Variants in NPSR1 observed in about 807,000 individuals in gnomAD.
NPSR1 encodes neuropeptide S receptor.
In NPSR1, 48 loss-of-function variants were observed where a neutral mutation model predicts 46.9. The ratio of observed to expected loss-of-function variants is 1.02; its 90% CI spans 0.81 to 1.30. The LOEUF (loss-of-function observed/expected upper bound fraction) is 1.30. Among genes scored for constraint, NPSR1 ranks in the 50% most tolerant of loss-of-function variants. NPSR1 has a pLI of 0.00. For missense variants in NPSR1, 450 were observed against 449.5 expected (o/e 1.00, Z -0.01); for synonymous variants, 176 against 168.1 (o/e 1.05, Z -0.36).
intron 7 of NPSR1, among the ~76,000 whole-genome samples, chr7:34,847,256 T>G (rs575795047): frequency 6.6e-6 from 1 of 152,210 alleles, no homozygotes; most frequent in South Asian, 2.1e-4. Context: ...AAGCCAAACT[T>G]CTACTCCGAG....
At chr7:34,873,352 A>G (rs1340286536) in intron 8 of NPSR1, among the ~76,000 whole-genome samples, 2 of 151,574 alleles carry the variant, frequency 1.3e-5, no homozygotes, top group East Asian at 1.9e-4. Flanking sequence ...GCAATGCCCA[A>G]CTCCTCAGTA....
At chr7:34,743,162 A>G (rs1382900572) in intron 2 of NPSR1, among the ~76,000 whole-genome samples, 1 of 152,160 alleles carries the variant, frequency 6.6e-6, no homozygotes, top group Non-Finnish European at 1.5e-5. Context: ...ATTAGATCCC[A>G]CTTGTCAATT....
At chr7:34,697,916 A>C (rs1354566224) in intron 2 of NPSR1, among the ~76,000 whole-genome samples, 1 of 152,154 alleles carries the variant, frequency 6.6e-6, no homozygotes, top group African/African-American at 2.4e-5. Context: ...ATTCCCATTA[A>C]AATAACAAGA....
chr7:34,803,044 A>G (rs4723384), intron 3 of NPSR1, among the ~76,000 whole-genome samples: 145,590 of 148,698 alleles, frequency 0.98, 71,316 homozygotes, highest in East Asian at 1. Context: ...TTAGAATGGC[A>G]ATCATTAAAA....
intron 2 of NPSR1, among the ~76,000 whole-genome samples, chr7:34,768,948 A>T (rs1562713966): frequency 6.6e-6 from 1 of 152,272 alleles, no homozygotes; most frequent in South Asian, 2.1e-4. Context: ...TCCCTAGCAG[A>T]CAGTGGTGCT....
intron 8 of NPSR1, among the ~76,000 whole-genome samples, chr7:34,859,281 C>G (rs1562776212): frequency 6.6e-6 from 1 of 151,736 alleles, no homozygotes; most frequent in East Asian, 1.9e-4. Context: ...AAATCAATAT[C>G]CATCTTCTGT....
chr7:34,877,755 G>A (rs1437135727), intron 8 of NPSR1, among the ~76,000 whole-genome samples: 8 of 152,156 alleles, frequency 5.3e-5, no homozygotes, highest in African/African-American at 1.9e-4. Context: ...CTCCAGGGAG[G>A]CTTTGAGTCA....
intron 2 of NPSR1, among the ~76,000 whole-genome samples, chr7:34,763,126 G>A (rs1351129899): frequency 6.6e-6 from 1 of 152,240 alleles, no homozygotes; most frequent in Non-Finnish European, 1.5e-5. Flanking sequence ...TATGAAAAAA[G>A]ATAAAACTAT....
chr7:34,860,768 A>G (rs1292439166), intron 8 of NPSR1, among the ~76,000 whole-genome samples: 3 of 151,966 alleles, frequency 2.0e-5, no homozygotes, highest in Non-Finnish European at 4.4e-5. Flanking sequence ...AAAGGCAAGT[A>G]ACATTTTAGT....
chr7:34,858,737 G>A (rs1791113183), intron 8 of NPSR1, among the ~76,000 whole-genome samples: 2 of 151,678 alleles, frequency 1.3e-5, no homozygotes, highest in Non-Finnish European at 2.9e-5. Context: ...AAAACCATCA[G>A]ATCTCGTAAG....
At position 34,848,635 on chromosome 7, in the gene NPSR1, T is replaced by A; in HGVS notation, c.997T>A (p.Phe333Ile). The change falls in exon 8 of 9, where the codon TTC (phenylalanine) becomes ATC (isoleucine). Residue 333 changes from phenylalanine to isoleucine, a missense_variant. By Grantham distance (21) the Phe-to-Ile change is conservative. Transcript: ENST00000360581. ...SAINPLIYCV[F>I]SSSISFPCRE... ...CATCAACCCCCTCATCTACTGTGTCTTCAGCAGCTCCATCTCTTTCCCCTG... is the reference window on the plus strand; with the variant it reads ...CATCAACCCCCTCATCTACTGTGTCATCAGCAGCTCCATCTCTTTCCCCTG... The A allele has an allele frequency of 6.2e-7, 1 of 1,614,154 alleles. No individual in the cohort carries two copies. The highest frequency in any genetic ancestry group is 8.5e-7 in the Non-Finnish European group (1 of 1,180,030).
intron 1 of NPSR1, among the ~76,000 whole-genome samples, chr7:34,672,349 T>C (rs1258832472): frequency 6.6e-6 from 1 of 152,228 alleles, no homozygotes; most frequent in African/African-American, 2.4e-5. Flanking sequence ...CCTCTTGCGA[T>C]CCAAGAACAA....
In NPSR1 at chr7:34,869,206, T is replaced by C. The variant is rs946628851; in HGVS notation, c.1026-8870T>C. On this transcript the variant is annotated intron_variant, in intron 8 of 8. Coordinates refer to the NPSR1 transcript ENST00000359791. ...CATCAATGACAGCCTCTGGAAACCA[T>C]GGGGAGAAAGTGTCCTGCATAACCA... 9.2e-5 allele frequency among the ~76,000 whole-genome samples: 14 copies of C among 151,634 alleles called. 2 individuals are homozygous for C. The highest frequency in any genetic ancestry group is 3.2e-4 in the African/African-American group (13 of 41,000).
chr7:34,750,613 T>C (rs999113222), intron 2 of NPSR1: 2 of 688,666 alleles, frequency 2.9e-6, no homozygotes, highest in African/African-American at 1.8e-5. Flanking sequence ...ATTCATCTAT[T>C]ATAGCCTTGC....
intron 2 of NPSR1, among the ~76,000 whole-genome samples, chr7:34,763,910 G>A (rs1394350872): frequency 2.0e-5 from 3 of 152,172 alleles, no homozygotes; most frequent in Non-Finnish European, 4.4e-5. Flanking sequence ...CCTTTAGAAA[G>A]ACTTGACTTT....
chr7:34,795,998 A>G (rs186738341), intron 3 of NPSR1, among the ~76,000 whole-genome samples: 1 of 152,296 alleles, frequency 6.6e-6, no homozygotes, highest in East Asian at 1.9e-4. Flanking sequence ...CCCAAAATCA[A>G]TATTTACTAT....
At chr7:34,700,895 C>T (rs1793794531) in intron 2 of NPSR1, among the ~76,000 whole-genome samples, 1 of 152,196 alleles carries the variant, frequency 6.6e-6, no homozygotes, top group Non-Finnish European at 1.5e-5. Context: ...TAAATGCTAG[C>T]TGTGAATGCT....
At chr7:34,669,749 A>G (rs1369076787) in intron 1 of NPSR1, among the ~76,000 whole-genome samples, 2 of 152,178 alleles carry the variant, frequency 1.3e-5, no homozygotes, top group African/African-American at 4.8e-5. Flanking sequence ...AAACAGAACT[A>G]GCTCTTTGAG....
At chr7:34,746,102 T>C (rs1484463820) in intron 2 of NPSR1, among the ~76,000 whole-genome samples, 7 of 152,230 alleles carry the variant, frequency 4.6e-5, no homozygotes, top group African/African-American at 1.7e-4. Context: ...ATCAGTTATT[T>C]CTTTCCTGTG....
Sources: allele counts gnomAD v4.1 joint callset (sites outside exome capture counted in the v4.1 genomes callset), GRCh38; gene constraint gnomAD v4.1.1; transcripts MANE v1.5; gene names NCBI Gene and HGNC (gene_info 2026-07-23, HGNC 2026-07-21).